The following PICALM variants were observed in gnomAD, a reference collection of about 807,000 sequenced individuals.
PICALM encodes the protein phosphatidylinositol-binding clathrin assembly protein.
Under a neutral mutation model 80.5 loss-of-function variants are expected in PICALM, and 40 were observed. That is an observed-to-expected ratio of 0.50 (90% CI 0.39 to 0.65). PICALM has a LOEUF of 0.65. Among genes scored for constraint, PICALM ranks in the 30% least tolerant of loss-of-function variants. PICALM has a pLI of 0.00. For synonymous variants in PICALM, 288 were observed against 260.3 expected (o/e 1.11, Z -1.02); for missense variants, 676 against 778.9 (o/e 0.87, Z 1.57).
Position 86,000,672 on chromosome 11 carries a change from G to A in PICALM, c.1125C>T (p.Asp375=). The part of the protein sequence containing the change: ...AGGIMTAPAI[D]IFSTPSSSNS... Reference sequence around the variant, plus strand: ...TAGAAGAACTAGGGGTAGAAAATATGTCAATGGCTGGTGCAGTCATTATCC... The same window carrying A: ...TAGAAGAACTAGGGGTAGAAAATATATCAATGGCTGGTGCAGTCATTATCC... Residue 375 remains aspartate (D), a synonymous_variant, in exon 11 of 20, where the codon GAC becomes GAT. Transcript: ENST00000393346. 1.2e-6 allele frequency: 2 copies of A among 1,612,190 alleles called. No individual in the cohort carries two copies. Among genetic ancestry groups the A allele is most frequent in the South Asian group, 1.1e-5 (1 of 90,986 alleles).
At chr11:86,053,345 T>C (rs1240064700) in intron 1 of PICALM, among the ~76,000 whole-genome samples, 1 of 152,216 alleles carries the variant, frequency 6.6e-6, no homozygotes, top group Non-Finnish European at 1.5e-5. Context: ...AACGTGGACC[T>C]GTAACCAATC....
At chr11:86,028,040 T>C (rs1475805283) in intron 2 of PICALM, among the ~76,000 whole-genome samples, 1 of 152,224 alleles carries the variant, frequency 6.6e-6, no homozygotes, top group Non-Finnish European at 1.5e-5. Flanking sequence ...TAATTTCGTC[T>C]ACCAGGCCAT....
intron 3 of PICALM, among the ~76,000 whole-genome samples, chr11:86,025,974 T>C (rs2095643655): frequency 6.6e-6 from 1 of 152,174 alleles, no homozygotes; most frequent in African/African-American, 2.4e-5. Context: ...TCGATTCTAC[T>C]GATGCAGAGG....
intron 1 of PICALM, among the ~76,000 whole-genome samples, chr11:86,049,751 G>C (rs2096146851): frequency 6.7e-6 from 1 of 150,028 alleles, no homozygotes; most frequent in Non-Finnish European, 1.5e-5. Context: ...ATTCATCTAA[G>C]AGAACTGCTA....
chr11:86,060,664 G>C (rs2096345378), intron 1 of PICALM, among the ~76,000 whole-genome samples: 1 of 150,324 alleles, frequency 6.7e-6, no homozygotes, highest in South Asian at 2.1e-4. Context: ...GCCAGCAAAG[G>C]AGAAAGGCAA....
intron 19 of PICALM, among the ~76,000 whole-genome samples, chr11:85,963,943 T>TTTTTA (rs1555002813): frequency 9.6e-5 from 14 of 146,346 alleles, no homozygotes; most frequent in South Asian, 6.6e-4. Flanking sequence ...TTTTTTTTTT[T>TTTTTA]ATTAAAGTTA....
chr11:86,002,389 T>C (rs2095168257), intron 9 of PICALM, among the ~76,000 whole-genome samples: 1 of 152,210 alleles, frequency 6.6e-6, no homozygotes, highest in South Asian at 2.1e-4. Context: ...ACAAATTCTT[T>C]CTTCATGCTG....
intron 14 of PICALM, among the ~76,000 whole-genome samples, chr11:85,982,423 C>CCTTTTTTTTTTTTTT (rs748828136): frequency 4.3e-5 from 3 of 70,170 alleles, no homozygotes; most frequent in Non-Finnish European, 7.8e-5. Context: ...ATTTTATAGA[C>CCTTTTTTTTTTTTTT]TTTTTTTTTT....
intron 13 of PICALM, 101 bp from the exon 14 acceptor site, chr11:85,984,074 C>A: frequency 1.6e-6 from 1 of 617,106 alleles, no homozygotes; most frequent in Non-Finnish European, 2.9e-6. Context: ...ACTAAATTCC[C>A]CACACAAAAA....
chr11:85,958,409 T>A lies in PICALM; in HGVS notation c.*637A>T. 4.7e-6 allele frequency: 1 copy of A among 213,676 alleles called. No homozygotes were observed. The highest frequency in any genetic ancestry group is 9.5e-6 in the Non-Finnish European group (1 of 105,450). 13.2% of individuals were successfully genotyped at this position (213,676 alleles called of 1,614,324 possible). A position where few individuals can be genotyped will look rare whatever the true frequency, so the allele number is the denominator to read the frequency against. On this transcript the variant is annotated 3_prime_UTR_variant, in exon 20 of 20. Coordinates refer to ENST00000393346, the MANE Select transcript of PICALM (RefSeq NM_007166.4). ...TCTGAATCAGATTCATTCTTGTGGA[T>A]AAAAATCAAACATACTGTGCACATC...
intron 1 of PICALM, among the ~76,000 whole-genome samples, chr11:86,055,118 G>A (rs1160878935): frequency 6.6e-6 from 1 of 151,802 alleles, no homozygotes; most frequent in Non-Finnish European, 1.5e-5. Context: ...ATCACCTGAG[G>A]TCAGTAGTTT....
rs2094218714 is a variant in PICALM at position 85,974,702 on chromosome 11, T to G, written c.1944+6A>C. On this transcript the variant is annotated splice_donor_region_variant and intron_variant, in intron 19 of 19. Transcript: ENST00000393346. ...CATTACCACAGTTACATGTAGTGTGTAATACCTGTGCTCCTGATACAGGGC... is the reference window on the plus strand; with the variant it reads ...CATTACCACAGTTACATGTAGTGTGGAATACCTGTGCTCCTGATACAGGGC... 2 of 1,533,596 alleles carry G rather than the reference T, an allele frequency of 1.3e-6. No homozygotes were observed. Among genetic ancestry groups the G allele is most frequent in the Middle Eastern group, 1.7e-4 (1 of 5,920 alleles). The allele number at this position is 1,533,596 out of a possible 1,614,324, so 95.0% of individuals were successfully genotyped here. A position where few individuals can be genotyped will look rare whatever the true frequency, so the allele number is the denominator to read the frequency against.
At chr11:85,978,243 A>G in intron 17 of PICALM, 1 of 675,342 alleles carries the variant, frequency 1.5e-6, no homozygotes, top group Non-Finnish European at 2.7e-6. Context: ...ATCTAATGAA[A>G]GAACATCTAT....
At chr11:85,964,675 C>T (rs544193997) in intron 19 of PICALM, among the ~76,000 whole-genome samples, 884 of 52,148 alleles carry the variant, frequency 0.017, 11 homozygotes, top group African/African-American at 0.082. Flanking sequence ...GCTCCTCTGC[C>T]GTGCTCTGTT....
chr11:86,042,313 T>C (rs1366996999), intron 1 of PICALM, among the ~76,000 whole-genome samples: 1 of 152,150 alleles, frequency 6.6e-6, no homozygotes, highest in Non-Finnish European at 1.5e-5. Flanking sequence ...TTATTACTTC[T>C]ATGTCAATTT....
chr11:86,031,562 T>C lies in PICALM; in HGVS notation c.180A>G (p.Ala60=), dbSNP rs934390908. 6.2e-7 allele frequency: 1 copy of C among 1,612,458 alleles called. No homozygotes were observed. The highest frequency in any genetic ancestry group is 1.3e-5 in the African/African-American group (1 of 75,030). Residue 60 remains alanine, a synonymous_variant, in exon 2 of 20, where the codon GCA becomes GCG. Coordinates refer to ENST00000393346, the MANE Select transcript of PICALM (RefSeq NM_007166.4). The stretch of plus-strand genomic sequence containing the variant: ...TAGTAGTTCTTTCAAATAAACTGTC[T>C]GCCAACTGTGGGATGTTCACATTCA... The part of the protein sequence containing the change: ...NEMNVNIPQL[A]DSLFERTTNS...
At chr11:86,005,383 T>C (rs1391635067) in intron 8 of PICALM, among the ~76,000 whole-genome samples, 1 of 152,134 alleles carries the variant, frequency 6.6e-6, no homozygotes, top group Non-Finnish European at 1.5e-5. Flanking sequence ...CTGGCTATTT[T>C]TCAAAAGTCA....
chr11:86,061,512 G>GA (rs1224266079), intron 1 of PICALM, among the ~76,000 whole-genome samples: 2 of 151,918 alleles, frequency 1.3e-5, no homozygotes, highest in Admixed American at 1.3e-4. Context: ...GTATGCATAT[G>GA]AAAAAAAGTC....
chr11:86,056,498 ATAAAACTAAAATCC>A (rs2096272062), intron 1 of PICALM, among the ~76,000 whole-genome samples: 1 of 152,084 alleles, frequency 6.6e-6, no homozygotes, highest in African/African-American at 2.4e-5. Flanking sequence ...TTTAAAAATC[ATAAAACTAAAATCC>A]TGAAAATAAC....
Sources: allele counts gnomAD v4.1 joint callset (sites outside exome capture counted in the v4.1 genomes callset), GRCh38; gene constraint gnomAD v4.1.1; transcripts MANE v1.5; gene names NCBI Gene and HGNC (gene_info 2026-07-23, HGNC 2026-07-21).